Variants in NDST4 observed in about 807,000 individuals in gnomAD.
The protein encoded by NDST4 is N-deacetylase and N-sulfotransferase 4, also known as N-heparan sulfate sulfotransferase 4.
In NDST4, 63 loss-of-function variants were observed where a neutral mutation model predicts 100.8. The observed-to-expected ratio is 0.62, with a 90% CI of 0.51 to 0.77. The LOEUF is 0.77. NDST4 is among the 30% of genes least tolerant of loss of function. NDST4 has a pLI of 0.00. For missense variants in NDST4, 943 were observed against 1,018.4 expected (o/e 0.93, Z 1.01); for synonymous variants, 377 against 361.8 (o/e 1.04, Z -0.48).
intron 6 of NDST4, among the ~76,000 whole-genome samples, chr4:114,880,615 C>A (rs1011127446): frequency 2.6e-5 from 4 of 152,002 alleles, no homozygotes; most frequent in Non-Finnish European, 4.4e-5. Context: ...AAGCAATCAA[C>A]CAATTGAGAA....
In NDST4 at chr4:115,055,110, C is replaced by T. The variant is rs114449790; in HGVS notation, c.978+20949G>A. ...TGAACCCTATTGTAAACTGTATATG[C>T]GAAGAATCTAGGTTGTCTGCCCCTT... On this transcript the variant is annotated intron_variant, in intron 2 of 13. Transcript: ENST00000264363. Among the ~76,000 whole-genome samples the T allele has an allele frequency of 3.4e-3, 510 of 152,136 alleles. 2 individuals are homozygous for T. Among genetic ancestry groups the T allele is most frequent in the African/African-American group, 0.012 (482 of 41,524 alleles).
chr4:115,108,844 G>A (rs749546343), intron 1 of NDST4, among the ~76,000 whole-genome samples: 1 of 151,818 alleles, frequency 6.6e-6, no homozygotes. Context: ...TTCAAACCAG[G>A]TTATTAGATT....
rs770633691 is a variant in NDST4, at chr4:115,076,599, A to G, written c.438T>C (p.Asn146=). 1 of 1,613,962 alleles carries G rather than the reference A, an allele frequency of 6.2e-7. No individual in the cohort carries two copies. Among genetic ancestry groups the G allele is most frequent in the Non-Finnish European group, 8.5e-7 (1 of 1,179,934 alleles). The change falls in exon 2 of 14, where the codon AAT becomes AAC. Residue 146 remains asparagine (N), a synonymous_variant. Coordinates refer to ENST00000264363, the MANE Select transcript of NDST4 (RefSeq NM_022569.3). ...ILKYVSMDSW[N]RELLEKYCVE... ...CACAGTATTTTTCTAAAAGCTCTCG[A>G]TTCCATGAGTCCATGCTGACATACT...
At chr4:115,098,788 C>T (rs148484364) in intron 1 of NDST4, among the ~76,000 whole-genome samples, 1 of 152,276 alleles carries the variant, frequency 6.6e-6, no homozygotes, top group East Asian at 1.9e-4. Context: ...CAGCTTAGCC[C>T]TCCTGGGATC....
chr4:115,076,108 T>G lies in NDST4; in HGVS notation c.929A>C (p.Asp310Ala). ...TGTTCCCTCTTTCCCAACAAATATA[T>G]CATCAATGTCCACAAGGATGTACCT... ...LDRYILVDIDDIFVGKEGTRM... is the reference protein window; with the variant it reads ...LDRYILVDIDAIFVGKEGTRM... The change falls in exon 2 of 14, where the codon GAT becomes GCT. Residue 310 changes from aspartate to alanine, a missense_variant. By Grantham distance (126) the Asp-to-Ala change is moderately radical (BLOSUM62 -2). Coordinates refer to ENST00000264363, the MANE Select transcript of NDST4 (RefSeq NM_022569.3). The G allele has an allele frequency of 1.2e-6, 2 of 1,613,578 alleles. No homozygotes were observed. Among genetic ancestry groups the G allele is most frequent in the Non-Finnish European group, 1.7e-6 (2 of 1,179,756 alleles).
At chr4:114,902,970 A>G (rs753902206) in intron 6 of NDST4, among the ~76,000 whole-genome samples, 62 of 151,968 alleles carry the variant, frequency 4.1e-4, no homozygotes, top group Non-Finnish European at 7.9e-4. Context: ...ATCTATTTAC[A>G]TTGCCTATAT....
intron 6 of NDST4, among the ~76,000 whole-genome samples, chr4:114,875,204 G>T (rs990435245): frequency 6.6e-6 from 1 of 152,130 alleles, no homozygotes; most frequent in Non-Finnish European, 1.5e-5. Flanking sequence ...CAAGCACTCT[G>T]GGCTGCCTTT....
chr4:115,010,780 A>G (rs1447746423), intron 2 of NDST4, among the ~76,000 whole-genome samples: 1 of 152,124 alleles, frequency 6.6e-6, no homozygotes, highest in African/African-American at 2.4e-5. Flanking sequence ...AATATGAAAG[A>G]CAATCACCAG....
intron 12 of NDST4, among the ~76,000 whole-genome samples, chr4:114,832,323 G>A (rs936937487): frequency 6.6e-6 from 1 of 152,136 alleles, no homozygotes; most frequent in Non-Finnish European, 1.5e-5. Flanking sequence ...TGCTTTTCCT[G>A]TTCCTCTGTT....
intron 2 of NDST4, among the ~76,000 whole-genome samples, chr4:115,062,158 A>G (rs1728838461): frequency 6.6e-6 from 1 of 152,060 alleles, no homozygotes; most frequent in Non-Finnish European, 1.5e-5. Flanking sequence ...TGACATAGTC[A>G]ATGGGTAGAG....
chr4:114,902,140 T>C (rs1187222732), intron 6 of NDST4, among the ~76,000 whole-genome samples: 1 of 152,034 alleles, frequency 6.6e-6, no homozygotes, highest in African/African-American at 2.4e-5. Flanking sequence ...AATTGAAAAA[T>C]ACATTTTAAT....
Position 115,100,551 on chromosome 4 carries a change from G to T in NDST4, c.-247+12893C>A, listed in dbSNP as rs116331722. Among the ~76,000 whole-genome samples, 507 of 152,170 alleles carry T rather than the reference G, an allele frequency of 3.3e-3. 4 individuals are homozygous for T. Among genetic ancestry groups the T allele is most frequent in the African/African-American group, 0.012 (487 of 41,538 alleles). On this transcript the variant is annotated intron_variant, in intron 1 of 13. Coordinates refer to ENST00000264363, the MANE Select transcript of NDST4 (RefSeq NM_022569.3). ...AGCTCTTATAAATTTGTAGCCCTAT[G>T]TGGGCTACTATTACACATGCACAGT...
intron 4 of NDST4, among the ~76,000 whole-genome samples, chr4:114,938,937 G>A (rs1337245399): frequency 6.6e-6 from 1 of 152,136 alleles, no homozygotes; most frequent in Non-Finnish European, 1.5e-5. Context: ...AGACACTGGG[G>A]AGAATTTCAT....
chr4:114,978,284 T>G (rs1476606936), intron 2 of NDST4, among the ~76,000 whole-genome samples: 2 of 152,008 alleles, frequency 1.3e-5, no homozygotes, highest in African/African-American at 4.8e-5. Flanking sequence ...AACAATTTTT[T>G]CCATTAGTCA....
chr4:114,969,309 G>C (rs1392888735), intron 4 of NDST4, among the ~76,000 whole-genome samples: 5 of 110,410 alleles, frequency 4.5e-5, no homozygotes. Flanking sequence ...GCGAGACTCC[G>C]TCTCAAAAAA....
intron 6 of NDST4, among the ~76,000 whole-genome samples, chr4:114,918,731 C>A (rs1725229851): frequency 6.6e-6 from 1 of 152,018 alleles, no homozygotes; most frequent in Admixed American, 6.5e-5. Context: ...GGTCAGAGAT[C>A]AACTATTTTG....
chr4:115,040,579 C>A (rs188791771), intron 2 of NDST4, among the ~76,000 whole-genome samples: 1 of 151,732 alleles, frequency 6.6e-6, no homozygotes, highest in East Asian at 1.9e-4. Context: ...GTTGGAAGTC[C>A]AAGTATGATG....
chr4:114,986,788 T>TTA (rs1236404282), intron 2 of NDST4, among the ~76,000 whole-genome samples: 9 of 65,976 alleles, frequency 1.4e-4, no homozygotes, highest in East Asian at 1.2e-3. Context: ...TGGTATCCAA[T>TTA]TATACATATA....
At chr4:114,895,945 T>C (rs1463878623) in intron 6 of NDST4, among the ~76,000 whole-genome samples, 1 of 152,126 alleles carries the variant, frequency 6.6e-6, no homozygotes, top group Non-Finnish European at 1.5e-5. Context: ...AAAAACAACA[T>C]GCTTCCTAAT....
Sources: gnomAD v4.1 joint callset for allele counts (sites outside exome capture counted in the v4.1 genomes callset) on GRCh38, gnomAD v4.1.1 for gene constraint, MANE v1.5 for transcripts, NCBI Gene and HGNC (gene_info 2026-07-23, HGNC 2026-07-21) for gene names.